SLC25A26: variants seen among roughly 807,000 people sequenced by gnomAD.
The protein encoded by SLC25A26 is solute carrier family 25 member 26, also known as mitochondrial S-adenosylmethionine carrier protein.
Under a neutral mutation model 37.8 loss-of-function variants are expected in SLC25A26, and 36 were observed. That is an observed-to-expected ratio of 0.95 (90% CI 0.73 to 1.26). The LOEUF (loss-of-function observed/expected upper bound fraction) is 1.26. SLC25A26 is among the 50% of genes most tolerant of loss of function. SLC25A26 has a pLI of 0.00. For missense variants in SLC25A26, 390 were observed against 331.1 expected (o/e 1.18, Z -1.38); for synonymous variants, 129 against 122.5 (o/e 1.05, Z -0.35).
In SLC25A26 at chr3:66,344,923, C is replaced by T. The variant is rs541042928; in HGVS notation, c.454-1441C>T. ...TTCTTACCTCCTAACTGCCTTTAGG[C>T]GTTACACAGCGTCTTTGAACCTCAG... is the stretch of plus-strand genomic sequence containing the variant. On this transcript the variant is annotated intron_variant, in intron 5 of 9. Transcript: ENST00000354883. 3.0e-3 allele frequency among the ~76,000 whole-genome samples: 455 copies of T among 152,274 alleles called. 7 individuals are homozygous for T. Among genetic ancestry groups the T allele is most frequent in the Middle Eastern group, 6.8e-3 (2 of 294 alleles).
At chr3:66,263,712 G>A (rs1471007098) in intron 5 of SLC25A26, among the ~76,000 whole-genome samples, 1 of 152,084 alleles carries the variant, frequency 6.6e-6, no homozygotes, top group Non-Finnish European at 1.5e-5. Flanking sequence ...AGGCTGGCGT[G>A]CAGTGGCGCG....
intron 1 of SLC25A26, among the ~76,000 whole-genome samples, chr3:66,162,842 G>A (rs2070379198): frequency 6.6e-6 from 1 of 152,192 alleles, no homozygotes; most frequent in Non-Finnish European, 1.5e-5. Flanking sequence ...AAACTCTTTT[G>A]TATAGATGCT....
chr3:66,173,755 G>C lies in SLC25A26; in HGVS notation c.-354+39771G>C, dbSNP rs547403823. On this transcript the variant is annotated intron_variant, in intron 1 of 10. Transcript: ENST00000676754. ...GCCACCTGGCACTGTGTGTTGATTA[G>C]AATAACATGAAAGCTGGCTGGGTGC... Among the ~76,000 whole-genome samples the C allele has an allele frequency of 1.3e-4, 20 of 152,260 alleles. No homozygotes were observed. In the South Asian group the frequency reaches 4.1e-3, roughly 32 times the overall value.
rs1392671828 is a variant in SLC25A26, at chr3:66,214,019, C to G, written c.-353-6723C>G. Among the ~76,000 whole-genome samples the G allele has an allele frequency of 2.6e-5, 4 of 152,182 alleles. No individual in the cohort carries two copies. The East Asian group carries it at 7.7e-4, about 29-fold the overall frequency. ...AAATGATCAGTAATGCAAAAATCCC[C>G]AGAAATGTCAGAGTTTACGGTTTGA... On this transcript the variant is annotated intron_variant, in intron 1 of 10. Transcript: ENST00000676754.
chr3:66,209,399 G>A (rs1047089523), intron 1 of SLC25A26, among the ~76,000 whole-genome samples: 11 of 136,252 alleles, frequency 8.1e-5, no homozygotes, highest in South Asian at 7.1e-4. Context: ...CTATATGTAT[G>A]TATATGTGTA....
At chr3:66,202,443 A>G (rs917964732) in intron 1 of SLC25A26, among the ~76,000 whole-genome samples, 27 of 150,368 alleles carry the variant, frequency 1.8e-4, no homozygotes, top group Admixed American at 1.0e-3. Flanking sequence ...TGATGGCTTC[A>G]TGGGTGCAGC....
chr3:66,293,765 A>G (rs2074798742), intron 5 of SLC25A26, among the ~76,000 whole-genome samples: 1 of 152,220 alleles, frequency 6.6e-6, no homozygotes, highest in African/African-American at 2.4e-5. Flanking sequence ...TATATGTACC[A>G]CATTTCCTTT....
At chr3:66,206,587 GTAT>G (rs1438608523) in intron 1 of SLC25A26, among the ~76,000 whole-genome samples, 2 of 152,104 alleles carry the variant, frequency 1.3e-5, no homozygotes, top group Admixed American at 1.3e-4. Flanking sequence ...TGAAGGGTAG[GTAT>G]TATTTTTTGG....
At chr3:66,281,580 G>A (rs796463016) in intron 5 of SLC25A26, among the ~76,000 whole-genome samples, 6 of 152,188 alleles carry the variant, frequency 3.9e-5, no homozygotes, top group African/African-American at 1.4e-4. Flanking sequence ...TAAAAAAATA[G>A]CCTAATTGAG....
chr3:66,183,853 G>A (rs2070763815), intron 1 of SLC25A26, among the ~76,000 whole-genome samples: 1 of 151,376 alleles, frequency 6.6e-6, no homozygotes, highest in Non-Finnish European at 1.5e-5. Flanking sequence ...CCTGAGCTTT[G>A]TCTGACCCTT....
chr3:66,360,010 C>T (rs772688614), intron 6 of SLC25A26, among the ~76,000 whole-genome samples: 14 of 152,294 alleles, frequency 9.2e-5, no homozygotes, highest in Non-Finnish European at 2.1e-4. Context: ...TCAAACCACA[C>T]GCTGTCACAT....
intron 1 of SLC25A26, among the ~76,000 whole-genome samples, chr3:66,212,491 A>T (rs2071297513): frequency 6.6e-6 from 1 of 152,136 alleles, no homozygotes; most frequent in South Asian, 2.1e-4. Context: ...ATAGGAAAAA[A>T]ACCTAGTATA....
At chr3:66,220,681 G>GT (rs2071444109), upstream of SLC25A26, 1 of 223,600 alleles carries the variant, frequency 4.5e-6, no homozygotes, top group African/African-American at 2.3e-5. Flanking sequence ...GCCTCCCGAG[G>GT]TTAGTACTAC....
At chr3:66,139,025 C>T (rs1221977416) in intron 1 of SLC25A26, among the ~76,000 whole-genome samples, 1 of 150,374 alleles carries the variant, frequency 6.7e-6, no homozygotes, top group African/African-American at 2.5e-5. Context: ...TGCTGCCCCA[C>T]CCCTCCTGTC....
intron 5 of SLC25A26, among the ~76,000 whole-genome samples, chr3:66,278,683 G>A (rs1211052199): frequency 2.6e-5 from 4 of 152,088 alleles, no homozygotes; most frequent in South Asian, 4.2e-4. Flanking sequence ...TTATATATTC[G>A]TTTCTTTATT....
intron 3 of SLC25A26, among the ~76,000 whole-genome samples, chr3:66,253,525 T>A (rs2073178101): frequency 1.3e-5 from 2 of 151,904 alleles, no homozygotes; most frequent in South Asian, 4.2e-4. Flanking sequence ...GGTATACTGC[T>A]GGTCCAAAGA....
At chr3:66,166,064 T>A (rs1245961357) in intron 1 of SLC25A26, among the ~76,000 whole-genome samples, 1 of 152,172 alleles carries the variant, frequency 6.6e-6, no homozygotes, top group Non-Finnish European at 1.5e-5. Flanking sequence ...AGCTTTGATA[T>A]TCTGTAAATT....
At chr3:66,354,403 T>A (rs551837480) in intron 6 of SLC25A26, among the ~76,000 whole-genome samples, 6 of 152,250 alleles carry the variant, frequency 3.9e-5, no homozygotes, top group Non-Finnish European at 8.8e-5. Context: ...CATAGCTTTG[T>A]CATAGAAATC....
intron 7 of SLC25A26, among the ~76,000 whole-genome samples, chr3:66,367,715 G>C (rs560556202): frequency 6.7e-6 from 1 of 149,622 alleles, no homozygotes; most frequent in African/African-American, 2.5e-5. Flanking sequence ...CACAGAGAGA[G>C]AGAGAGAGAG....
Sources: gnomAD v4.1 joint callset for allele counts (sites outside exome capture counted in the v4.1 genomes callset) on GRCh38, gnomAD v4.1.1 for gene constraint, MANE v1.5 for transcripts, NCBI Gene and HGNC (gene_info 2026-07-23, HGNC 2026-07-21) for gene names.